CCDC3: variants seen among roughly 807,000 people sequenced by gnomAD.
The protein encoded by CCDC3 is coiled-coil domain containing 3.
In CCDC3, 24 loss-of-function variants were observed where a neutral mutation model predicts 21.4. The observed-to-expected ratio is 1.12, with a 90% CI of 0.81 to 1.58. The LOEUF (loss-of-function observed/expected upper bound fraction) is 1.58. CCDC3 is among the 40% of genes most tolerant of loss of function. The probability of loss-of-function intolerance (pLI) is 0.00; values close to 1 mark genes in which losing one functional copy is unlikely to be tolerated. For missense variants in CCDC3, 425 were observed against 360.9 expected (o/e 1.18, Z -1.44); for synonymous variants, 186 against 166.0 (o/e 1.12, Z -0.93).
intron 5 of CCDC3, among the ~76,000 whole-genome samples, chr10:13,011,938 G>A (rs888850136): frequency 2.2e-4 from 33 of 152,130 alleles, no homozygotes; most frequent in African/African-American, 7.7e-4. Context: ...ACAAAAACAA[G>A]CAACGGGAAA....
intron 4 of CCDC3, among the ~76,000 whole-genome samples, chr10:13,059,766 ACT>A (rs1208868211): frequency 2.6e-5 from 4 of 151,858 alleles, no homozygotes; most frequent in African/African-American, 7.3e-5. Flanking sequence ...CACATTGTGA[ACT>A]CTCTGAGTAA....
chr10:13,062,247 C>G (rs187758465), intron 4 of CCDC3, among the ~76,000 whole-genome samples: 1 of 152,080 alleles, frequency 6.6e-6, no homozygotes, highest in Non-Finnish European at 1.5e-5. Context: ...AATAATTGTG[C>G]TTCTCCTGAA....
At chr10:13,086,687 C>G (rs2668919) in intron 3 of CCDC3, among the ~76,000 whole-genome samples, 147,333 of 152,246 alleles carry the variant, frequency 0.97, 71,424 homozygotes, top group Non-Finnish European at 1. Flanking sequence ...ACCTCGTGAC[C>G]CGCCTGCCTC....
At chr10:12,916,260 C>T (rs951209765) in intron 2 of CCDC3, among the ~76,000 whole-genome samples, 19 of 152,122 alleles carry the variant, frequency 1.2e-4, no homozygotes, top group East Asian at 9.7e-4. Flanking sequence ...GGTGAAACCC[C>T]GTCTCTACTA....
chr10:12,961,550 C>A (rs911392998), intron 2 of CCDC3, among the ~76,000 whole-genome samples: 1 of 152,274 alleles, frequency 6.6e-6, no homozygotes, highest in African/African-American at 2.4e-5. Context: ...TTGGCATAAA[C>A]AATTTTCCCC....
intron 2 of CCDC3, among the ~76,000 whole-genome samples, chr10:12,967,994 C>G (rs1835286172): frequency 6.6e-6 from 1 of 152,042 alleles, no homozygotes; most frequent in East Asian, 1.9e-4. Context: ...CATGGTGAAA[C>G]CCAGTCCCTA....
At chr10:12,943,932 C>T (rs931986715) in intron 2 of CCDC3, among the ~76,000 whole-genome samples, 14 of 152,190 alleles carry the variant, frequency 9.2e-5, no homozygotes, top group East Asian at 7.7e-4. Context: ...CCCCAGACAA[C>T]GTTGCTGCTA....
intron 2 of CCDC3, 55 bp from the exon 3 acceptor site, chr10:12,898,734 C>A: frequency 6.3e-7 from 1 of 1,579,686 alleles, no homozygotes; most frequent in Non-Finnish European, 8.6e-7. Flanking sequence ...AACTGCGCTG[C>A]GGCCAGGGGA....
chr10:13,080,920 G>A lies in CCDC3; in HGVS notation c.-502-6820C>T, dbSNP rs115490993. Reference sequence around the variant, plus strand: ...CACAAGGCCCCTCATCCCCAAGGCCGAAACGCACAGGGGTGATGAGGGCCA... The same window carrying A: ...CACAAGGCCCCTCATCCCCAAGGCCAAAACGCACAGGGGTGATGAGGGCCA... On this transcript the variant is annotated intron_variant, in intron 3 of 6. Coordinates refer to the CCDC3 transcript ENST00000378839. Among the ~76,000 whole-genome samples, 539 of 152,368 alleles carry A rather than the reference G, an allele frequency of 3.5e-3. 5 individuals carry two copies. Among genetic ancestry groups the A allele is most frequent in the African/African-American group, 0.012 (483 of 41,594 alleles).
chr10:13,024,616 A>G (rs1836191941), intron 5 of CCDC3, among the ~76,000 whole-genome samples: 1 of 152,228 alleles, frequency 6.6e-6, no homozygotes, highest in African/African-American at 2.4e-5. Context: ...TATCAAACAC[A>G]GCAAATTATA....
rs76281113 is a variant in CCDC3 at position 13,028,773 on chromosome 10, T to C, written c.-2+20901A>G. On this transcript the variant is annotated intron_variant, in intron 5 of 6. Coordinates refer to the CCDC3 transcript ENST00000378839. ...TATTTAGGAAATAGCAGGATTGTAG[T>C]GGCACATGCAAAGGGTTCCATCTCT... Among the ~76,000 whole-genome samples, 891 of 152,272 alleles carry C rather than the reference T, an allele frequency of 5.9e-3. 4 individuals are homozygous for C. The highest frequency in any genetic ancestry group is 0.02 in the African/African-American group (846 of 41,542).
At chr10:12,975,881 G>A (rs1250459552) in intron 2 of CCDC3, among the ~76,000 whole-genome samples, 1 of 152,162 alleles carries the variant, frequency 6.6e-6, no homozygotes, top group East Asian at 1.9e-4. Flanking sequence ...GAGTTGAAAT[G>A]AGCCAGGCTG....
chr10:13,051,420 C>T (rs190632897), intron 4 of CCDC3, among the ~76,000 whole-genome samples: 1 of 152,170 alleles, frequency 6.6e-6, no homozygotes, highest in Non-Finnish European at 1.5e-5. Context: ...TTTTGGGCTT[C>T]AACTGTCAGC....
intron 3 of CCDC3, among the ~76,000 whole-genome samples, chr10:13,080,193 AAG>A (rs150549896): frequency 1.2e-4 from 18 of 149,518 alleles, no homozygotes; most frequent in Non-Finnish European, 1.9e-4. Flanking sequence ...CGGGATGGCA[AAG>A]AGAGAGAGAG....
rs529267122 is a variant in CCDC3, at chr10:12,997,583, T to C, written c.549+755A>G. ...CTGCACCTCTATGTCTTACCAACTA[T>C]AGTTAAGAATCACAGAAGTGGTAGC... is the stretch of plus-strand genomic sequence containing the variant. On this transcript the variant is annotated intron_variant, in intron 2 of 2. Transcript: ENST00000378825. 5.9e-5 allele frequency among the ~76,000 whole-genome samples: 9 copies of C among 152,308 alleles called. 1 individual carries two copies. Among genetic ancestry groups the C allele is most frequent in the Middle Eastern group, 3.4e-3 (1 of 294 alleles).
At chr10:13,044,370 A>G (rs1370624961) in intron 5 of CCDC3, among the ~76,000 whole-genome samples, 2 of 152,074 alleles carry the variant, frequency 1.3e-5, no homozygotes, top group Non-Finnish European at 2.9e-5. Flanking sequence ...CCCATTTGTC[A>G]ATTTTTGGTC....
chr10:12,933,847 T>C (rs1348930636), intron 2 of CCDC3, among the ~76,000 whole-genome samples: 1 of 152,224 alleles, frequency 6.6e-6, no homozygotes, highest in African/African-American at 2.4e-5. Flanking sequence ...ATGTCTTTTT[T>C]CCTATAATTA....
chr10:13,085,761 G>A (rs1358179536), intron 3 of CCDC3, among the ~76,000 whole-genome samples: 1 of 152,176 alleles, frequency 6.6e-6, no homozygotes, highest in Non-Finnish European at 1.5e-5. Flanking sequence ...GAGGTCAGGA[G>A]TTTGAGACAA....
intron 2 of CCDC3, among the ~76,000 whole-genome samples, chr10:12,900,672 CAA>C (rs1226768162): frequency 1.9e-5 from 2 of 104,038 alleles, no homozygotes; most frequent in African/African-American, 7.7e-5. Flanking sequence ...GCCTGGGTGA[CAA>C]AGAGACACTC....
Sources: allele counts gnomAD v4.1 joint callset (sites outside exome capture counted in the v4.1 genomes callset), GRCh38; gene constraint gnomAD v4.1.1; transcripts MANE v1.5; gene names NCBI Gene and HGNC (gene_info 2026-07-23, HGNC 2026-07-21).